CFAP20DC: variants seen among roughly 807,000 people sequenced by gnomAD.
CFAP20DC encodes the protein protein CFAP20DC.
CFAP20DC carries 84 observed loss-of-function variants against 101.7 expected under a neutral mutation model. The observed-to-expected ratio is 0.83, with a 90% CI of 0.69 to 0.99. The LOEUF (loss-of-function observed/expected upper bound fraction) is 0.99, where lower values mean the gene tolerates loss of function less well. CFAP20DC is among the 50% of genes least tolerant of loss of function. The pLI is 0.00. For synonymous variants in CFAP20DC, 359 were observed against 351.2 expected, an observed-to-expected ratio of 1.02 and a Z score of -0.25; for missense variants, 1,007 against 970.3, an observed-to-expected ratio of 1.04 and a Z score of -0.50.
rs1421096687 is a variant in CFAP20DC at position 58,863,774 on chromosome 3, T to C, written c.1377A>G (p.Lys459=). ...CTGCCTGCTGGTCGTGTTCACTCTCTTTGCTGGCTTCCAGCCACAGGTGTG... is the reference window on the plus strand; with the variant it reads ...CTGCCTGCTGGTCGTGTTCACTCTCCTTGCTGGCTTCCAGCCACAGGTGTG... ...NPSHLWLEAS[K]ESEHDQQAEE... is the part of the protein sequence containing the mutation. The change falls in exon 12 of 17, where the codon AAA becomes AAG. Residue 459 remains lysine (K), a synonymous_variant. Transcript: ENST00000482387. The surrounding 1 kb of genome is among the most constrained non-coding windows in gnomAD (Gnocchi z 5.9). 3 of 1,614,066 alleles carry C rather than the reference T, an allele frequency of 1.9e-6. No homozygotes were observed. Among genetic ancestry groups the C allele is most frequent in the Non-Finnish European group, 2.5e-6 (3 of 1,180,040 alleles).
chr3:58,856,265 G>GACACACACACACACAC (rs536277954), intron 12 of CFAP20DC, among the ~76,000 whole-genome samples: 66 of 124,134 alleles, frequency 5.3e-4, no homozygotes, highest in Non-Finnish European at 6.4e-4. Context: ...TTCATCTTCT[G>GACACACACACACACAC]ACACACACAC....
rs1371832178 is a variant in CFAP20DC, at chr3:58,753,891, T to C, written c.2238-28A>G. 4.8e-6 allele frequency: 7 copies of C among 1,456,122 alleles called. No individual in the cohort carries two copies. The South Asian group carries it at 8.3e-5, about 17-fold the overall frequency. 90.2% of individuals were successfully genotyped at this position (1,456,122 alleles called of 1,614,324 possible). ...AAAAAGAAAACAAAGTGAATGAGCA[T>C]GTCTGGAATTCCATATATAGATTTT... On this transcript the variant is annotated intron_variant, in intron 15 of 16. Coordinates refer to ENST00000482387, the MANE Select transcript of CFAP20DC (RefSeq NM_001394063.1).
At chr3:58,756,055 G>A (rs2068928274) in intron 15 of CFAP20DC, among the ~76,000 whole-genome samples, 1 of 152,128 alleles carries the variant, frequency 6.6e-6, no homozygotes, top group Non-Finnish European at 1.5e-5. Context: ...TTTGTCTATG[G>A]CTGCTTTTGT....
At chr3:58,968,945 C>G (rs377297822) in intron 4 of CFAP20DC, among the ~76,000 whole-genome samples, 1 of 152,160 alleles carries the variant, frequency 6.6e-6, no homozygotes, top group East Asian at 1.9e-4. Context: ...GTTATTCTAG[C>G]ACCATTTATT....
intron 12 of CFAP20DC, among the ~76,000 whole-genome samples, chr3:58,860,676 A>G (rs534605047): frequency 1.3e-5 from 2 of 152,232 alleles, no homozygotes; most frequent in Non-Finnish European, 2.9e-5. Context: ...CATAAGGCTA[A>G]TGATTTCAAG....
intron 4 of CFAP20DC, among the ~76,000 whole-genome samples, chr3:59,024,905 C>T (rs989964466): frequency 3.3e-5 from 5 of 152,146 alleles, no homozygotes; most frequent in Non-Finnish European, 7.4e-5. Context: ...AGAAACATAT[C>T]TACTTGGCAC....
At chr3:59,025,967 T>C (rs2093885295) in intron 4 of CFAP20DC, among the ~76,000 whole-genome samples, 1 of 152,140 alleles carries the variant, frequency 6.6e-6, no homozygotes, top group South Asian at 2.1e-4. Context: ...AACATATGTT[T>C]AATAGATAAA....
At chr3:59,026,349 T>C (rs1438251424) in intron 4 of CFAP20DC, among the ~76,000 whole-genome samples, 3 of 152,208 alleles carry the variant, frequency 2.0e-5, no homozygotes, top group Non-Finnish European at 4.4e-5. Context: ...AGAGATGTAT[T>C]CCCTTGGTGA....
chr3:58,840,399 T>C (rs1169699348), intron 13 of CFAP20DC, among the ~76,000 whole-genome samples: 1 of 152,200 alleles, frequency 6.6e-6, no homozygotes, highest in Non-Finnish European at 1.5e-5. Flanking sequence ...GCTACACATC[T>C]GCAATTTAGC....
chr3:58,853,828 C>G (rs2078490717), intron 12 of CFAP20DC, among the ~76,000 whole-genome samples: 1 of 152,054 alleles, frequency 6.6e-6, no homozygotes, highest in Non-Finnish European at 1.5e-5. Context: ...ATTGATGGGA[C>G]ATATTTCAAA....
rs544010276 is a variant in CFAP20DC at position 58,795,205 on chromosome 3, A to G, written c.2237+11190T>C. Among the ~76,000 whole-genome samples the G allele has an allele frequency of 6.8e-4, 104 of 152,326 alleles. No individual in the cohort carries two copies. The Middle Eastern group carries it at 0.01, about 15-fold the overall frequency. ...AAAGCTGAAACTATAAAACATTAGA[A>G]TGGTAAATAATTGCTTTGGTAATTA... On this transcript the variant is annotated intron_variant, in intron 15 of 16. Coordinates refer to ENST00000482387, the MANE Select transcript of CFAP20DC (RefSeq NM_001394063.1). This position sits in a 1 kb window ranked among gnomAD's most constrained non-coding sequence, Gnocchi z 4.2.
In CFAP20DC at chr3:58,864,782, T is replaced by C. The variant is rs1203561808; in HGVS notation, c.1259-890A>G. On this transcript the variant is annotated intron_variant, in intron 11 of 16. Coordinates refer to ENST00000482387, the MANE Select transcript of CFAP20DC (RefSeq NM_001394063.1). The surrounding 1 kb of genome is among the most constrained non-coding windows in gnomAD (Gnocchi z 4.7). ...AGTAATAGTAAATTCACAGAAATAT[T>C]TGCTAATCCAAGCAGTGGATTCTGC... 6.6e-6 allele frequency among the ~76,000 whole-genome samples: 1 copy of C among 152,228 alleles called. No individual in the cohort carries two copies. Among genetic ancestry groups the C allele is most frequent in the Non-Finnish European group, 1.5e-5 (1 of 68,040 alleles).
chr3:58,809,334 G>C (rs1471163309), intron 14 of CFAP20DC, among the ~76,000 whole-genome samples: 2 of 152,168 alleles, frequency 1.3e-5, no homozygotes, highest in East Asian at 1.9e-4. Context: ...TAAAAGAACA[G>C]AAATTATAAT....
intron 15 of CFAP20DC, among the ~76,000 whole-genome samples, chr3:58,777,105 G>A (rs957934014): frequency 3.3e-5 from 5 of 152,052 alleles, no homozygotes; most frequent in Admixed American, 1.3e-4. Context: ...ATTTCCTTGT[G>A]GATAAAGAAC....
intron 14 of CFAP20DC, among the ~76,000 whole-genome samples, chr3:58,828,963 G>A (rs1001191208): frequency 6.6e-5 from 10 of 152,100 alleles, no homozygotes; most frequent in African/African-American, 2.4e-4. Flanking sequence ...ATAAAGAAGC[G>A]GGAGAAATGA....
At chr3:58,875,217 T>C (rs1448561748) in intron 7 of CFAP20DC, among the ~76,000 whole-genome samples, 1 of 152,128 alleles carries the variant, frequency 6.6e-6, no homozygotes, top group Non-Finnish European at 1.5e-5. Flanking sequence ...TGTCACCAAA[T>C]AGACTTGGTT....
chr3:58,862,633 A>C (rs1424852515), intron 12 of CFAP20DC: 1 of 985,398 alleles, frequency 1.0e-6, no homozygotes, highest in East Asian at 1.1e-4. Flanking sequence ...TATGGACTTA[A>C]TCTGTGCCTC....
intron 4 of CFAP20DC, among the ~76,000 whole-genome samples, chr3:58,997,828 T>C (rs2093182772): frequency 6.6e-6 from 1 of 152,194 alleles, no homozygotes; most frequent in African/African-American, 2.4e-5. Flanking sequence ...GACAAATAAG[T>C]AACTCTCGAT....
At chr3:59,045,545 CCT>C (rs1401668691) in intron 3 of CFAP20DC, among the ~76,000 whole-genome samples, 1 of 151,944 alleles carries the variant, frequency 6.6e-6, no homozygotes, top group Non-Finnish European at 1.5e-5. Flanking sequence ...GAATTGTAAC[CCT>C]GTCTCTGCTA....
Sources: gnomAD v4.1 joint callset for allele counts (sites outside exome capture counted in the v4.1 genomes callset) on GRCh38, gnomAD v4.1.1 for gene constraint, Gnocchi (gnomAD v3.1) non-coding constraint, MANE v1.5 for transcripts, NCBI Gene and HGNC (gene_info 2026-07-23, HGNC 2026-07-21) for gene names.